The following MAPKBP1 variants were observed in gnomAD, a reference collection of about 807,000 sequenced individuals.
The protein encoded by MAPKBP1 is mitogen-activated protein kinase-binding protein 1.
Under a neutral mutation model 170.5 loss-of-function variants are expected in MAPKBP1, and 71 were observed. The ratio of observed to expected loss-of-function variants is 0.42; its 90% CI spans 0.34 to 0.51. MAPKBP1 has a LOEUF of 0.51. MAPKBP1 is among the 20% of genes least tolerant of loss of function. The pLI, the probability that MAPKBP1 is intolerant of heterozygous loss-of-function variation, is 0.06. For synonymous variants in MAPKBP1, 719 were observed against 757.9 expected, an observed-to-expected ratio of 0.95 and a Z score of 0.84; for missense variants, 1,598 against 1,933.0, an observed-to-expected ratio of 0.83 and a Z score of 3.25.
intron 2 of MAPKBP1, among the ~76,000 whole-genome samples, chr15:41,776,449 C>T (rs1454922420): frequency 1.3e-5 from 2 of 152,204 alleles, no homozygotes; most frequent in Non-Finnish European, 2.9e-5. Flanking sequence ...AAGAGCTTTC[C>T]TGTATATTTC....
chr15:41,824,001 G>C lies in MAPKBP1; in HGVS notation c.4153G>C (p.Glu1385Gln). 1 of 1,612,860 alleles carries C rather than the reference G, an allele frequency of 6.2e-7. No individual in the cohort carries two copies. The highest frequency in any genetic ancestry group is 8.5e-7 in the Non-Finnish European group (1 of 1,180,000). Residue 1385 changes from glutamate to glutamine, a missense_variant, in exon 29 of 31, where the codon GAG becomes CAG. Physicochemically the swap from Glu to Gln is conservative, Grantham distance 29. Around this residue, in one of 6 missense-constraint regions of MAPKBP1, gnomAD observed 942 missense variants for 953.2 expected, o/e 0.99. Transcript: ENST00000457542. Reference sequence around the variant, plus strand: ...TGAAAACTTGCAGCCCCCACCCCCTGAGAAGACTCCCAACCCCATGGAATG... The same window carrying C: ...TGAAAACTTGCAGCCCCCACCCCCTCAGAAGACTCCCAACCCCATGGAATG... Reference protein sequence around the residue: ...GPENLQPPPPEKTPNPMECTK... With the variant: ...GPENLQPPPPQKTPNPMECTK...
At position 41,818,361 on chromosome 15, in the gene MAPKBP1, G is replaced by A; in HGVS notation, c.2092+56G>A. 1.3e-6 allele frequency: 2 copies of A among 1,488,422 alleles called. No homozygotes were observed. The highest frequency in any genetic ancestry group is 1.9e-6 in the Non-Finnish European group (2 of 1,066,956). The allele number at this position is 1,488,422 out of a possible 1,614,324, so 92.2% of individuals were successfully genotyped here. On this transcript the variant is annotated intron_variant, in intron 18 of 30. Coordinates refer to ENST00000457542, the MANE Select transcript of MAPKBP1 (RefSeq NM_014994.3). This position sits in a 1 kb window ranked among gnomAD's most constrained non-coding sequence, Gnocchi z 5.2. The stretch of plus-strand genomic sequence containing the variant: ...CTGATACCTGCGTAAACCTGAGTGA[G>A]TTCCACCCCTGGAACTTCACTCTTC...
chr15:41,812,649 C>T lies in MAPKBP1; in HGVS notation c.632C>T (p.Ser211Leu), dbSNP rs1211569637. 4 of 1,600,036 alleles carry T rather than the reference C, an allele frequency of 2.5e-6. No homozygotes were observed. The Admixed American group carries it at 5.1e-5, about 20-fold the overall frequency. The stretch of plus-strand genomic sequence containing the variant: ...TGGTATCTCGATGACAGCAAGACCT[C>T]AAAGGTGAGGTGCTGAAGCTGGGAG... ...KFWYLDDSKT[S>L]KVNATVPLLG... The change falls in exon 7 of 31, where the codon TCA becomes TTA. Residue 211 changes from serine to leucine, a missense_variant. By Grantham distance (145) the Ser-to-Leu change is moderately radical (BLOSUM62 -2). This residue lies in a region of MAPKBP1 where 430 missense variants were observed against 617.2 expected (regional missense o/e 0.70). Transcript: ENST00000457542.
intron 23 of MAPKBP1, 48 bp from the exon 24 acceptor site, chr15:41,821,536 C>T (rs1390564145): frequency 2.5e-6 from 4 of 1,581,492 alleles, no homozygotes; most frequent in Admixed American, 1.7e-5. Flanking sequence ...GCTACCACTG[C>T]CTCATCTGTC....
chr15:41,816,908 A>G lies in MAPKBP1; in HGVS notation c.1586-2A>G. 6.2e-7 allele frequency: 1 copy of G among 1,602,434 alleles called. No homozygotes were observed. Among genetic ancestry groups the G allele is most frequent in the Non-Finnish European group, 8.5e-7 (1 of 1,173,064 alleles). ...GGGCTGATGGAGTTCTTTCATCCCC[A>G]GGTCTGAAACTGCTAGCATCGGCGA... is the stretch of plus-strand genomic sequence containing the variant. On this transcript the variant is annotated splice_acceptor_variant, in intron 13 of 30. Coordinates refer to ENST00000457542, the MANE Select transcript of MAPKBP1 (RefSeq NM_014994.3). LOFTEE classifies it high-confidence loss of function.
chr15:41,816,474 G>A (rs2064893189), intron 12 of MAPKBP1, 85 bp from the exon 13 acceptor site: 1 of 890,924 alleles, frequency 1.1e-6, no homozygotes, highest in Non-Finnish European at 1.8e-6. Flanking sequence ...AAGGAAAAAG[G>A]AGGAGAAAAT....
At chr15:41,783,113 G>GT (rs2064219322) in intron 2 of MAPKBP1, among the ~76,000 whole-genome samples, 1 of 152,226 alleles carries the variant, frequency 6.6e-6, no homozygotes, top group Non-Finnish European at 1.5e-5. Context: ...TGGTTGGGGA[G>GT]TGAAGGGCAG....
chr15:41,786,536 G>A (rs991335614), intron 2 of MAPKBP1, among the ~76,000 whole-genome samples: 1 of 151,376 alleles, frequency 6.6e-6, no homozygotes, highest in African/African-American at 2.4e-5. Flanking sequence ...AGGCCAAGGC[G>A]GGCGGATCAC....
At position 41,799,887 on chromosome 15, in the gene MAPKBP1, G is replaced by A. The variant is rs774015304; in HGVS notation, c.179G>A (p.Arg60Gln). The A allele has an allele frequency of 1.4e-5, 22 of 1,613,998 alleles. No homozygotes were observed. In the Admixed American group the frequency reaches 2.7e-4, roughly 20 times the overall value. The change falls in exon 3 of 31, where the codon CGA becomes CAA. Residue 60 changes from arginine to glutamine, a missense_variant. By Grantham distance (43) the Arg-to-Gln change is conservative. Transcript: ENST00000457542. Reference protein sequence around the residue: ...SGGRGLACDPRSGLVAYPAGC... With the variant: ...SGGRGLACDPQSGLVAYPAGC... ...GGCAGAGGACTTGCCTGTGACCCCC[G>A]ATCAGGTTTAGTTGCTTACCCAGCA...
At chr15:41,782,111 A>T (rs2064199403) in intron 2 of MAPKBP1, among the ~76,000 whole-genome samples, 1 of 150,226 alleles carries the variant, frequency 6.7e-6, no homozygotes, top group South Asian at 2.1e-4. Flanking sequence ...AAAAAAAAAA[A>T]ATTAGCTGGG....
Position 41,823,620 on chromosome 15 carries a change from G to T in MAPKBP1, c.3772G>T (p.Val1258Phe). The T allele has an allele frequency of 6.2e-7, 1 of 1,614,136 alleles. No homozygotes were observed. The highest frequency in any genetic ancestry group is 8.5e-7 in the Non-Finnish European group (1 of 1,180,016). The change falls in exon 29 of 31, where the codon GTT (valine) becomes TTT (phenylalanine). Residue 1258 changes from valine (V) to phenylalanine (F), a missense_variant. Val to Phe is a conservative substitution (Grantham distance 50). Around this residue, in one of 6 missense-constraint regions of MAPKBP1, gnomAD observed 942 missense variants for 953.2 expected, o/e 0.99. Transcript: ENST00000457542. The part of the protein sequence containing the change: ...SMAKISRSIS[V>F]GENLGLVAEP... ...GGCCAAGATATCCCGCAGTATCTCT[G>T]TTGGGGAGAACCTGGGCCTGGTGGC...
intron 2 of MAPKBP1, among the ~76,000 whole-genome samples, chr15:41,787,417 G>C (rs1303789453): frequency 6.6e-6 from 1 of 151,974 alleles, no homozygotes; most frequent in Non-Finnish European, 1.5e-5. Context: ...GCCCAGGCTA[G>C]AGTGCAGTGG....
At chr15:41,795,177 AAAAAG>A (rs1395153176) in intron 2 of MAPKBP1, among the ~76,000 whole-genome samples, 4 of 151,738 alleles carry the variant, frequency 2.6e-5, no homozygotes, top group Middle Eastern at 3.2e-3. Flanking sequence ...AAAAAAAAAA[AAAAAG>A]AAAAAGAAAA....
At position 41,814,749 on chromosome 15, in the gene MAPKBP1, C is replaced by G; in HGVS notation, c.1170+10C>G. The G allele has an allele frequency of 6.2e-7, 1 of 1,610,262 alleles. No homozygotes were observed. The highest frequency in any genetic ancestry group is 1.7e-5 in the Admixed American group (1 of 59,844). On this transcript the variant is annotated intron_variant, in intron 10 of 30. Coordinates refer to ENST00000457542, the MANE Select transcript of MAPKBP1 (RefSeq NM_014994.3). ...CGTCTGGAGTGTGGAGGTATGTGGGCTGGCTGGCTGGCTGGAGACTGGCCA... is the reference window on the plus strand; with the variant it reads ...CGTCTGGAGTGTGGAGGTATGTGGGGTGGCTGGCTGGCTGGAGACTGGCCA...
chr15:41,825,274 C>T lies in MAPKBP1; in HGVS notation c.4365C>T (p.Phe1455=). The T allele has an allele frequency of 1.9e-6, 3 of 1,611,356 alleles. No individual in the cohort carries two copies. Among genetic ancestry groups the T allele is most frequent in the Middle Eastern group, 1.7e-4 (1 of 6,054 alleles). ...TTGCCCAGCTCCTCAGAGACACCTT[C>T]TCTTCAGTGCGACAGGAGCTGGAAG... The part of the protein sequence containing the change: ...SRIAQLLRDT[F]SSVRQELEAV... The change falls in exon 31 of 31, where the codon TTC becomes TTT. Residue 1455 remains phenylalanine, a synonymous_variant. Transcript: ENST00000457542.
intron 2 of MAPKBP1, among the ~76,000 whole-genome samples, chr15:41,791,024 G>A (rs2064387086): frequency 6.6e-6 from 1 of 152,120 alleles, no homozygotes; most frequent in African/African-American, 2.4e-5. Context: ...GTAGTGTGTG[G>A]GCAAGAGACA....
At chr15:41,784,315 A>AC (rs970937335) in intron 2 of MAPKBP1, among the ~76,000 whole-genome samples, 1 of 152,134 alleles carries the variant, frequency 6.6e-6, no homozygotes, top group Non-Finnish European at 1.5e-5. Flanking sequence ...CTCATGACAA[A>AC]CCTAGAACTG....
chr15:41,807,759 T>C (rs979219456), intron 3 of MAPKBP1, among the ~76,000 whole-genome samples: 1 of 152,158 alleles, frequency 6.6e-6, no homozygotes, highest in African/African-American at 2.4e-5. Context: ...TAAATTTGGC[T>C]GGGCACAGTG....
chr15:41,802,259 G>A (rs1356753614), intron 3 of MAPKBP1, among the ~76,000 whole-genome samples: 2 of 152,220 alleles, frequency 1.3e-5, no homozygotes, highest in Non-Finnish European at 2.9e-5. Flanking sequence ...AGTGAGTGGT[G>A]AGTGAGTGTG....
Sources: allele counts gnomAD v4.1 joint callset (sites outside exome capture counted in the v4.1 genomes callset), GRCh38; gene constraint gnomAD v4.1.1; regional missense constraint gnomAD v4.1.1; non-coding constraint Gnocchi (gnomAD v3.1); transcripts MANE v1.5; gene names NCBI Gene and HGNC (gene_info 2026-07-23, HGNC 2026-07-21).